The following LRRC4C variants were observed in gnomAD, a reference collection of about 807,000 sequenced individuals.
The protein encoded by LRRC4C is leucine rich repeat containing 4C.
A neutral mutation model predicts 33.6 loss-of-function variants in LRRC4C; 5 were observed. The observed-to-expected ratio is 0.15, with a 90% CI of 0.08 to 0.31. The LOEUF is 0.31. LRRC4C is among the 10% of genes least tolerant of loss of function. LRRC4C has a pLI of 1.00. For missense variants in LRRC4C, 560 were observed against 796.7 expected, an observed-to-expected ratio of 0.70 and a Z score of 3.58; for synonymous variants, 329 against 302.0, an observed-to-expected ratio of 1.09 and a Z score of -0.93.
chr11:40,439,716 T>C (rs1408721917), intron 3 of LRRC4C, among the ~76,000 whole-genome samples: 1 of 152,188 alleles, frequency 6.6e-6, no homozygotes, highest in Non-Finnish European at 1.5e-5. Flanking sequence ...CCTTCCAAAG[T>C]GCTGGGATTA....
chr11:41,142,463 G>T (rs1368648452), intron 1 of LRRC4C, among the ~76,000 whole-genome samples: 2 of 152,188 alleles, frequency 1.3e-5, no homozygotes, highest in African/African-American at 4.8e-5. Flanking sequence ...ATGCTTACCT[G>T]CTGGCTCGGG....
chr11:41,005,643 C>T (rs1176669129), intron 1 of LRRC4C, among the ~76,000 whole-genome samples: 1 of 151,976 alleles, frequency 6.6e-6, no homozygotes, highest in Non-Finnish European at 1.5e-5. Context: ...CCCCTGGCGC[C>T]TCTCACTCTC....
chr11:41,140,925 C>T (rs539842564), intron 1 of LRRC4C, among the ~76,000 whole-genome samples: 3 of 152,168 alleles, frequency 2.0e-5, no homozygotes, highest in Non-Finnish European at 2.9e-5. Flanking sequence ...TATAGTTTTT[C>T]ATTTGCTGTC....
chr11:40,340,295 G>A (rs1449376367), intron 3 of LRRC4C, among the ~76,000 whole-genome samples: 2 of 152,022 alleles, frequency 1.3e-5, no homozygotes, highest in Non-Finnish European at 2.9e-5. Flanking sequence ...TTCACCAACA[G>A]GCCATGTACA....
At chr11:40,170,496 G>A (rs912881433) in intron 5 of LRRC4C, among the ~76,000 whole-genome samples, 2 of 151,296 alleles carry the variant, frequency 1.3e-5, no homozygotes, top group African/African-American at 2.4e-5. Flanking sequence ...GCTACATTAA[G>A]AGAGAAAGAG....
At position 40,809,755 on chromosome 11, in the gene LRRC4C, G is replaced by T. The variant is rs1951408062; in HGVS notation, c.-407+123880C>A. On this transcript the variant is annotated intron_variant, in intron 2 of 6. Transcript: ENST00000528697. The stretch of plus-strand genomic sequence containing the variant: ...TATTGTCTCTATATTGCCAGATCCT[G>T]GCATCATGCCTTACAAAGTGCAGAC... Among the ~76,000 whole-genome samples, 9 of 152,192 alleles carry T rather than the reference G, an allele frequency of 5.9e-5. No homozygotes were observed. The South Asian group carries it at 1.9e-3, about 32-fold the overall frequency.
intron 1 of LRRC4C, among the ~76,000 whole-genome samples, chr11:41,199,334 C>A (rs1275217579): frequency 6.6e-6 from 1 of 152,052 alleles, no homozygotes; most frequent in African/African-American, 2.4e-5. Flanking sequence ...ATCCCATCCT[C>A]ACACTACAAT....
chr11:41,371,948 A>G (rs1460502511), intron 1 of LRRC4C, among the ~76,000 whole-genome samples: 3 of 152,224 alleles, frequency 2.0e-5, no homozygotes, highest in Admixed American at 2.0e-4. Flanking sequence ...ATCCTGGCTA[A>G]CATGGTGAAA....
At chr11:40,303,970 G>A (rs1268989562) in intron 4 of LRRC4C, among the ~76,000 whole-genome samples, 1 of 152,198 alleles carries the variant, frequency 6.6e-6, no homozygotes, top group East Asian at 1.9e-4. Flanking sequence ...AAGTTTCCAA[G>A]TGCAGCCTTT....
At chr11:41,268,316 G>A (rs991108123) in intron 1 of LRRC4C, among the ~76,000 whole-genome samples, 11 of 151,962 alleles carry the variant, frequency 7.2e-5, no homozygotes, top group African/African-American at 2.7e-4. Flanking sequence ...CTAAGCCCTG[G>A]GCAACACCTT....
intron 1 of LRRC4C, among the ~76,000 whole-genome samples, chr11:41,210,139 G>T (rs754146119): frequency 6.6e-6 from 1 of 152,116 alleles, no homozygotes; most frequent in Non-Finnish European, 1.5e-5. Context: ...TTTCTGTTAA[G>T]CCACCCAGTC....
intron 2 of LRRC4C, among the ~76,000 whole-genome samples, chr11:40,752,794 C>T (rs942487524): frequency 2.6e-5 from 4 of 151,994 alleles, no homozygotes; most frequent in South Asian, 2.1e-4. Flanking sequence ...GAAAATAAGT[C>T]GGTATGTTAA....
At chr11:41,411,140 C>CTTTTTTTTTTTTTTTTT (rs1249968357) in intron 1 of LRRC4C, among the ~76,000 whole-genome samples, 24 of 49,894 alleles carry the variant, frequency 4.8e-4, no homozygotes, top group African/African-American at 1.8e-3. Flanking sequence ...GGTTGGTACC[C>CTTTTTTTTTTTTTTTTT]TATTTTTTTT....
chr11:40,988,947 C>T (rs1853299183), intron 1 of LRRC4C, among the ~76,000 whole-genome samples: 1 of 151,872 alleles, frequency 6.6e-6, no homozygotes, highest in South Asian at 2.1e-4. Flanking sequence ...GTCGCGATCT[C>T]CTGACCTGGT....
At chr11:41,451,375 T>TTGTG (rs143793387) in intron 1 of LRRC4C, among the ~76,000 whole-genome samples, 1 of 151,076 alleles carries the variant, frequency 6.6e-6, no homozygotes, top group Non-Finnish European at 1.5e-5. Context: ...GATATAGATT[T>TTGTG]TGTGTGTGTG....
intron 3 of LRRC4C, among the ~76,000 whole-genome samples, chr11:40,597,757 T>C (rs1329923829): frequency 1.3e-5 from 2 of 152,178 alleles, no homozygotes; most frequent in African/African-American, 4.8e-5. Flanking sequence ...TTCTGTGCCT[T>C]TTCCTCTTGC....
chr11:41,132,221 C>T (rs1943045708), intron 1 of LRRC4C, among the ~76,000 whole-genome samples: 1 of 152,056 alleles, frequency 6.6e-6, no homozygotes, highest in African/African-American at 2.4e-5. Flanking sequence ...GTTATCATAA[C>T]ATCTCCAGGC....
chr11:40,633,170 G>A (rs779061371), intron 3 of LRRC4C, among the ~76,000 whole-genome samples: 86 of 152,066 alleles, frequency 5.7e-4, no homozygotes, highest in Non-Finnish European at 1.2e-4. Context: ...ACACTATCAA[G>A]TTCAAAGAGA....
At chr11:40,260,066 A>T (rs1245310995) in intron 4 of LRRC4C, among the ~76,000 whole-genome samples, 1 of 138,900 alleles carries the variant, frequency 7.2e-6, no homozygotes, top group Non-Finnish European at 1.5e-5. Context: ...ATATACCCAA[A>T]GGACTATAAA....
Sources: allele counts gnomAD v4.1 joint callset (sites outside exome capture counted in the v4.1 genomes callset), GRCh38; gene constraint gnomAD v4.1.1; transcripts MANE v1.5; gene names NCBI Gene and HGNC (gene_info 2026-07-23, HGNC 2026-07-21).